Variants in NEDD9 observed in about 807,000 individuals in gnomAD.
NEDD9 encodes the protein enhancer of filamentation 1.
A neutral mutation model predicts 76.6 loss-of-function variants in NEDD9; 26 were observed. That is an observed-to-expected ratio of 0.34 (90% confidence interval 0.25 to 0.47). The LOEUF is 0.47. Among genes scored for constraint, NEDD9 ranks in the 20% least tolerant of loss-of-function variants. The pLI, the probability that NEDD9 is intolerant of heterozygous loss-of-function variation, is 1.00. For synonymous variants in NEDD9, 392 were observed against 414.2 expected (o/e 0.95, Z 0.65); for missense variants, 937 against 1,058.5 (o/e 0.89, Z 1.59).
intron 1 of NEDD9, among the ~76,000 whole-genome samples, chr6:11,339,260 C>T (rs1762226528): frequency 6.6e-6 from 1 of 152,014 alleles, no homozygotes; most frequent in South Asian, 2.1e-4. Context: ...ACCAAACATG[C>T]CTCATTCTTT....
intron 1 of NEDD9, among the ~76,000 whole-genome samples, chr6:11,358,908 C>T (rs1164161009): frequency 6.6e-6 from 1 of 152,130 alleles, no homozygotes; most frequent in Non-Finnish European, 1.5e-5. Context: ...AGAAAGGTAG[C>T]CTTGCTGTGG....
rs116561404 is a variant in NEDD9, at chr6:11,248,688, C to A, written c.13-34961G>T. ...CCTTTGGCCTGACACGTCCCCAAGG[C>A]CAGGCCCATCCAGAATGGTCAAGCA... On this transcript the variant is annotated intron_variant, in intron 3 of 3. Transcript: ENST00000397378. Among the ~76,000 whole-genome samples the A allele has an allele frequency of 3.3e-5, 5 of 152,254 alleles. No individual in the cohort carries two copies. In the East Asian group the frequency reaches 9.6e-4, roughly 29 times the overall value.
Position 11,213,870 on chromosome 6 carries a change from C to G in NEDD9, c.13-143G>C. 2 of 715,834 alleles carry G rather than the reference C, an allele frequency of 2.8e-6. No homozygotes were observed. The highest frequency in any genetic ancestry group is 4.6e-6 in the Non-Finnish European group (2 of 439,276). The allele number at this position is 715,834 out of a possible 1,614,324, so 44.3% of individuals were successfully genotyped here. On this transcript the variant is annotated intron_variant, in intron 1 of 6. Transcript: ENST00000379446. The surrounding 1 kb of genome is among the most constrained non-coding windows in gnomAD (Gnocchi z 5.4). ...GAACAATAGACTGTAAGGAGAAAAACAGATGGTGCAGACAAAAGACAGATA... is the reference window on the plus strand; with the variant it reads ...GAACAATAGACTGTAAGGAGAAAAAGAGATGGTGCAGACAAAAGACAGATA...
intron 2 of NEDD9, among the ~76,000 whole-genome samples, chr6:11,307,521 T>G (rs1429478595): frequency 6.6e-6 from 1 of 152,212 alleles, no homozygotes; most frequent in Non-Finnish European, 1.5e-5. Flanking sequence ...TATTGCTTCT[T>G]TAGGTACTCA....
In NEDD9 at chr6:11,185,337, A is replaced by G; in HGVS notation, c.2330T>C (p.Met777Thr). 1.2e-6 allele frequency: 2 copies of G among 1,614,142 alleles called. No homozygotes were observed. The highest frequency in any genetic ancestry group is 1.1e-5 in the South Asian group (1 of 91,076). Residue 777 changes from methionine (M) to threonine (T), a missense_variant, in exon 7 of 7, where the codon ATG (methionine) becomes ACG (threonine). Met to Thr is a moderately conservative substitution (Grantham distance 81). Transcript: ENST00000379446. ...CTCGCAGAGCTGGTTGCTGGAGTTC[A>G]TGACTTTGTTGCGAATGTCCTGGGC... ...VTAQDIRNKV[M>T]NSSNQLCEQL...
chr6:11,305,875 G>T, intron 3 of NEDD9: 1 of 1,261,582 alleles, frequency 7.9e-7, no homozygotes, highest in Non-Finnish European at 1.2e-6. Context: ...CCAAATGTTA[G>T]TTGCAGGCCC....
At chr6:11,361,981 A>C (rs1330064944) in intron 1 of NEDD9, among the ~76,000 whole-genome samples, 1 of 148,130 alleles carries the variant, frequency 6.8e-6, no homozygotes, top group Non-Finnish European at 1.5e-5. Context: ...TGCATAGAAG[A>C]AAAAAGTCTT....
At chr6:11,209,839 T>C (rs1758721170) in intron 2 of NEDD9, among the ~76,000 whole-genome samples, 1 of 152,204 alleles carries the variant, frequency 6.6e-6, no homozygotes, top group Admixed American at 6.5e-5. Flanking sequence ...TTTATGACTA[T>C]ATTTCTTTCT....
chr6:11,355,231 A>T (rs1762543593), intron 1 of NEDD9, among the ~76,000 whole-genome samples: 1 of 152,224 alleles, frequency 6.6e-6, no homozygotes, highest in Non-Finnish European at 1.5e-5. Flanking sequence ...ATTTCAAAAC[A>T]CATAAAATAA....
chr6:11,218,379 G>C (rs1455413638), intron 1 of NEDD9, among the ~76,000 whole-genome samples: 1 of 142,610 alleles, frequency 7.0e-6, no homozygotes, highest in Non-Finnish European at 1.5e-5. Context: ...CACAGAAATT[G>C]CTTCCCAATT....
At chr6:11,269,104 G>A (rs191961287) in intron 3 of NEDD9, among the ~76,000 whole-genome samples, 1 of 152,334 alleles carries the variant, frequency 6.6e-6, no homozygotes, top group Admixed American at 6.5e-5. Flanking sequence ...CAAAGTACCT[G>A]TTAAAGGTTT....
intron 2 of NEDD9, among the ~76,000 whole-genome samples, chr6:11,196,736 A>G (rs1159208476): frequency 6.6e-6 from 1 of 151,886 alleles, no homozygotes; most frequent in African/African-American, 2.4e-5. Flanking sequence ...TGACATTACC[A>G]TCTAATTCAC....
chr6:11,325,401 C>T (rs916051973), intron 2 of NEDD9, among the ~76,000 whole-genome samples: 2 of 150,966 alleles, frequency 1.3e-5, no homozygotes, highest in South Asian at 2.1e-4. Context: ...GAAATAAAAG[C>T]ATTGAATTAG....
At position 11,379,276 on chromosome 6, in the gene NEDD9, C is replaced by A. The variant is rs1013365904; in HGVS notation, c.-214+2863G>T. On this transcript the variant is annotated intron_variant, in intron 1 of 3. Coordinates refer to the NEDD9 transcript ENST00000397378. ...TGTGTGCTGTCAGGACTGTCAGCAACGTTTTTTTCTTTAAATTAACTCACT... is the reference window on the plus strand; with the variant it reads ...TGTGTGCTGTCAGGACTGTCAGCAAAGTTTTTTTCTTTAAATTAACTCACT... Among the ~76,000 whole-genome samples, 202 of 92,306 alleles carry A rather than the reference C, an allele frequency of 2.2e-3. 3 individuals carry two copies. Among genetic ancestry groups the A allele is most frequent in the Non-Finnish European group, 2.8e-4 (12 of 43,396 alleles). The allele number at this position is 92,306 out of a possible 152,430, so 60.6% of individuals were successfully genotyped here. A position where few individuals can be genotyped will look rare whatever the true frequency, so the allele number is the denominator to read the frequency against.
chr6:11,353,030 C>G (rs563286062), intron 1 of NEDD9, among the ~76,000 whole-genome samples: 1 of 152,268 alleles, frequency 6.6e-6, no homozygotes, highest in South Asian at 2.1e-4. Flanking sequence ...CTTGAGCGAT[C>G]ACCTTTGCTG....
At chr6:11,216,239 C>T (rs757602613) in intron 1 of NEDD9, among the ~76,000 whole-genome samples, 13 of 152,152 alleles carry the variant, frequency 8.5e-5, no homozygotes, top group Non-Finnish European at 1.5e-4. Flanking sequence ...GCCAGGACCC[C>T]GGCACCAGCC....
intron 1 of NEDD9, among the ~76,000 whole-genome samples, chr6:11,372,387 T>C (rs1006785690): frequency 1.3e-5 from 2 of 152,238 alleles, no homozygotes; most frequent in African/African-American, 4.8e-5. Context: ...ACATTTCCTT[T>C]ATCCATTTAT....
intron 1 of NEDD9, among the ~76,000 whole-genome samples, chr6:11,338,516 A>G (rs187129998): frequency 6.6e-6 from 1 of 152,328 alleles, no homozygotes; most frequent in East Asian, 1.9e-4. Context: ...CATCAGAAAG[A>G]AGCACTTTAT....
At chr6:11,297,765 G>A (rs1437638237) in intron 3 of NEDD9, among the ~76,000 whole-genome samples, 2 of 152,104 alleles carry the variant, frequency 1.3e-5, no homozygotes, top group Non-Finnish European at 2.9e-5. Flanking sequence ...TTTGAGGTCG[G>A]TACTATTCTC....
Sources: gnomAD v4.1 joint callset for allele counts (sites outside exome capture counted in the v4.1 genomes callset) on GRCh38, gnomAD v4.1.1 for gene constraint, Gnocchi (gnomAD v3.1) non-coding constraint, MANE v1.5 for transcripts, NCBI Gene and HGNC (gene_info 2026-07-23, HGNC 2026-07-21) for gene names.